Variants in CDCA7L observed in about 807,000 individuals in gnomAD.
CDCA7L encodes the protein cell division cycle-associated 7-like protein.
CDCA7L carries 44 observed loss-of-function variants against 57.4 expected under a neutral mutation model. The ratio of observed to expected loss-of-function variants is 0.77; its 90% CI spans 0.60 to 0.98. CDCA7L has a LOEUF of 0.98. CDCA7L is among the 50% of genes least tolerant of loss of function. The probability of loss-of-function intolerance (pLI) is 0.00; values close to 1 mark genes in which losing one functional copy is unlikely to be tolerated. For synonymous variants in CDCA7L, 236 were observed against 202.8 expected (o/e 1.16, Z -1.39); for missense variants, 644 against 580.6 (o/e 1.11, Z -1.12).
Position 21,908,238 on chromosome 7 carries a change from T to A in CDCA7L, c.573A>T (p.Gln191His). 1 of 1,613,652 alleles carries A rather than the reference T, an allele frequency of 6.2e-7. No homozygotes were observed. Among genetic ancestry groups the A allele is most frequent in the Middle Eastern group, 1.7e-4 (1 of 6,054 alleles). ...ERKKDCRQVIQREDSTSESED... is the reference protein window; with the variant it reads ...ERKKDCRQVIHREDSTSESED... ...CAGACTCAGAGGTAGAATCTTCCCT[T>A]TGTATCACCTGTCTACAGTCTTTCT... Residue 191 changes from glutamine to histidine, a missense_variant, in exon 4 of 10, where the codon CAA becomes CAT. Gln to His is a conservative substitution (Grantham distance 24). Coordinates refer to ENST00000406877, the MANE Select transcript of CDCA7L (RefSeq NM_018719.5).
At chr7:21,905,702 C>G in intron 6 of CDCA7L, 71 bp from the exon 7 acceptor site, 1 of 1,500,230 alleles carries the variant, frequency 6.7e-7, no homozygotes, top group Non-Finnish European at 9.0e-7. Context: ...ATATTTTAAA[C>G]TCTCAAAGAT....
chr7:21,903,214 C>T, intron 8 of CDCA7L, 100 bp from the exon 9 acceptor site: 2 of 1,130,752 alleles, frequency 1.8e-6, no homozygotes, highest in Non-Finnish European at 2.5e-6. Context: ...TCTCCTCCAA[C>T]CTTTAATCAC....
intron 1 of CDCA7L, among the ~76,000 whole-genome samples, chr7:21,922,073 A>G (rs1452737382): frequency 1.3e-5 from 2 of 152,162 alleles, no homozygotes; most frequent in African/African-American, 4.8e-5. Context: ...CTTTGTAGCC[A>G]TTTTCTTAAG....
intron 1 of CDCA7L, among the ~76,000 whole-genome samples, chr7:21,921,765 G>C (rs1315903996): frequency 6.6e-6 from 1 of 150,426 alleles, no homozygotes; most frequent in African/African-American, 2.4e-5. Context: ...CTACTATCTA[G>C]TGAACCAAAA....
intron 2 of CDCA7L, among the ~76,000 whole-genome samples, chr7:21,915,658 A>AAAAAACAC (rs1554296504): frequency 4.1e-5 from 3 of 73,504 alleles, no homozygotes; most frequent in East Asian, 9.4e-4. Flanking sequence ...AAAAAAAAAA[A>AAAAAACAC]ACACACACAC....
intron 1 of CDCA7L, among the ~76,000 whole-genome samples, chr7:21,932,428 A>G (rs1248661149): frequency 6.6e-6 from 1 of 152,236 alleles, no homozygotes; most frequent in Non-Finnish European, 1.5e-5. Context: ...TAACCAAAAC[A>G]GCATGGTACT....
At chr7:21,905,843 C>T in intron 6 of CDCA7L, 2 of 550,914 alleles carry the variant, frequency 3.6e-6, no homozygotes, top group East Asian at 6.5e-5. Context: ...AGGAGGAACT[C>T]AAGGTTTTTG....
Position 21,945,873 on chromosome 7 carries a change from C to A in CDCA7L, c.-69G>T, listed in dbSNP as rs943591703. ...GGAGCCCGGACTCACCACGGCCCGG[C>A]GCACCAAGAACGCCCCGCGCCCGAG... On this transcript the variant is annotated 5_prime_UTR_variant, in exon 1 of 10. Coordinates refer to ENST00000406877, the MANE Select transcript of CDCA7L (RefSeq NM_018719.5). The A allele has an allele frequency of 2.6e-6, 4 of 1,525,818 alleles. No individual in the cohort carries two copies. The highest frequency in any genetic ancestry group is 3.5e-6 in the Non-Finnish European group (4 of 1,134,254). The allele number at this position is 1,525,818 out of a possible 1,614,324, so 94.5% of individuals were successfully genotyped here. A position where few individuals can be genotyped will look rare whatever the true frequency, so the allele number is the denominator to read the frequency against.
At position 21,903,116 on chromosome 7, in the gene CDCA7L, T is replaced by TAACAGAGAGATGACAGCAG; in HGVS notation, c.1198-21_1198-3dup. The TAACAGAGAGATGACAGCAG allele has an allele frequency of 6.2e-7, 1 of 1,612,644 alleles. No homozygotes were observed. Among genetic ancestry groups the TAACAGAGAGATGACAGCAG allele is most frequent in the Non-Finnish European group, 8.5e-7 (1 of 1,179,478 alleles). On this transcript the variant is annotated splice_polypyrimidine_tract_variant and splice_region_variant and intron_variant, in intron 8 of 9. Coordinates refer to ENST00000406877, the MANE Select transcript of CDCA7L (RefSeq NM_018719.5). ...ACGACAGGGGGGACACACCCAATCCTAACAGAGAGATGACAGCAGACACTT... is the reference window on the plus strand; with the variant it reads ...ACGACAGGGGGGACACACCCAATCCTAACAGAGAGATGACAGCAGAACAGAGAGATGACAGCAGACACTT...
At chr7:21,902,523 C>G in intron 9 of CDCA7L, 171 bp from the exon 10 acceptor site, 1 of 649,254 alleles carries the variant, frequency 1.5e-6, no homozygotes, top group Non-Finnish European at 2.7e-6. Context: ...TGGTGTAGTA[C>G]GCCCCAAGCA....
At chr7:21,945,464 G>A (rs1363582004) in intron 1 of CDCA7L, among the ~76,000 whole-genome samples, 1 of 151,998 alleles carries the variant, frequency 6.6e-6, no homozygotes, top group Non-Finnish European at 1.5e-5. Context: ...CGTCTCACGA[G>A]GGCTGCAAAC....
Position 21,904,177 on chromosome 7 carries a change from C to G in CDCA7L, c.1130G>C (p.Gly377Ala). The change falls in exon 8 of 10, where the codon GGA (glycine) becomes GCA (alanine). Residue 377 changes from glycine (G) to alanine (A), a missense_variant. Transcript: ENST00000406877. The part of the protein sequence containing the change: ...CRNQGCCGVR[G>A]QFCGPCLRNR... ...CCGCAGGCATGGTCCACAGAACTGTCCTCGCACACCACAGCAACCCTGGTT... is the reference window on the plus strand; with the variant it reads ...CCGCAGGCATGGTCCACAGAACTGTGCTCGCACACCACAGCAACCCTGGTT... The G allele has an allele frequency of 1.9e-6, 3 of 1,613,878 alleles. No individual in the cohort carries two copies. Among genetic ancestry groups the G allele is most frequent in the Non-Finnish European group, 8.5e-7 (1 of 1,179,878 alleles).
intron 1 of CDCA7L, among the ~76,000 whole-genome samples, chr7:21,939,410 G>A (rs1024778784): frequency 2.6e-5 from 4 of 152,132 alleles, no homozygotes; most frequent in African/African-American, 9.7e-5. Context: ...AAATAAATGG[G>A]AAGTCATTTT....
At chr7:21,906,096 T>G (rs944592096) in intron 6 of CDCA7L, among the ~76,000 whole-genome samples, 193 bp downstream of exon 6, 1 of 151,400 alleles carries the variant, frequency 6.6e-6, no homozygotes, top group Non-Finnish European at 1.5e-5. Context: ...ACCTCCAGCT[T>G]AGACCAGGGC....
At chr7:21,928,810 A>G (rs1184670583) in intron 1 of CDCA7L, among the ~76,000 whole-genome samples, 1 of 152,140 alleles carries the variant, frequency 6.6e-6, no homozygotes, top group Non-Finnish European at 1.5e-5. Flanking sequence ...ACTATGTGAA[A>G]AGACCAAATC....
At chr7:21,922,690 T>C (rs996637361) in intron 1 of CDCA7L, among the ~76,000 whole-genome samples, 1 of 152,176 alleles carries the variant, frequency 6.6e-6, no homozygotes, top group African/African-American at 2.4e-5. Flanking sequence ...GTTAAGAAGA[T>C]TAAGAAAAAC....
intron 3 of CDCA7L, among the ~76,000 whole-genome samples, chr7:21,909,468 G>A (rs1785244990): frequency 6.6e-6 from 1 of 151,922 alleles, no homozygotes; most frequent in African/African-American, 2.4e-5. Context: ...TTCCTCCCCG[G>A]TGACGACCAT....
chr7:21,911,395 G>A (rs1785322291), intron 3 of CDCA7L, among the ~76,000 whole-genome samples: 2 of 152,072 alleles, frequency 1.3e-5, no homozygotes, highest in South Asian at 4.2e-4. Context: ...ACCCCCTAAG[G>A]CACGAGGAGA....
intron 9 of CDCA7L, chr7:21,902,747 T>TC: frequency 1.9e-6 from 1 of 518,446 alleles, no homozygotes; most frequent in Non-Finnish European, 3.4e-6. Context: ...AAATTTTGGT[T>TC]AAAGGCAACG....
Sources: allele counts gnomAD v4.1 joint callset (sites outside exome capture counted in the v4.1 genomes callset), GRCh38; gene constraint gnomAD v4.1.1; transcripts MANE v1.5; gene names NCBI Gene and HGNC (gene_info 2026-07-23, HGNC 2026-07-21).